MGAT4C: variants seen among roughly 807,000 people sequenced by gnomAD.
MGAT4C encodes alpha-1,3-mannosyl-glycoprotein 4-beta-N-acetylglucosaminyltransferase C.
A neutral mutation model predicts 40.1 loss-of-function variants in MGAT4C; 19 were observed. The ratio of observed to expected loss-of-function variants is 0.47; its 90% CI spans 0.33 to 0.70. The LOEUF (loss-of-function observed/expected upper bound fraction) is 0.70. MGAT4C is among the 30% of genes least tolerant of loss of function. The probability of loss-of-function intolerance (pLI) is 0.02; values close to 1 mark genes in which losing one functional copy is unlikely to be tolerated. For missense variants in MGAT4C, 491 were observed against 563.2 expected (o/e 0.87, Z 1.30); for synonymous variants, 181 against 187.1 (o/e 0.97, Z 0.27).
intron 1 of MGAT4C, among the ~76,000 whole-genome samples, chr12:86,202,280 A>AT (rs1950081693): frequency 6.6e-6 from 1 of 151,984 alleles, no homozygotes; most frequent in South Asian, 2.1e-4. Flanking sequence ...GATAGAGGAA[A>AT]TTTTCATTTA....
intron 3 of MGAT4C, among the ~76,000 whole-genome samples, chr12:86,432,476 G>A (rs2136270415): frequency 6.6e-6 from 1 of 151,990 alleles, no homozygotes; most frequent in Admixed American, 6.6e-5. Flanking sequence ...ATATTTATCA[G>A]GCAGAGGCAT....
At chr12:86,628,962 A>G (rs1037857388) in intron 2 of MGAT4C, among the ~76,000 whole-genome samples, 1 of 152,172 alleles carries the variant, frequency 6.6e-6, no homozygotes, top group Non-Finnish European at 1.5e-5. Context: ...AACTGGATAA[A>G]GAGTGAAGAC....
intron 2 of MGAT4C, among the ~76,000 whole-genome samples, chr12:86,643,631 C>A (rs1963453905): frequency 1.3e-5 from 2 of 151,748 alleles, no homozygotes; most frequent in African/African-American, 4.8e-5. Context: ...ATGAAGTGTC[C>A]AAAATAGACA....
chr12:86,704,627 C>T (rs531851384), intron 2 of MGAT4C, among the ~76,000 whole-genome samples: 1 of 152,166 alleles, frequency 6.6e-6, no homozygotes, highest in South Asian at 2.1e-4. Context: ...GGCACTTCAG[C>T]TATTTCCTTC....
At chr12:86,401,700 G>A (rs1002175270) in intron 3 of MGAT4C, among the ~76,000 whole-genome samples, 1 of 152,016 alleles carries the variant, frequency 6.6e-6, no homozygotes, top group Admixed American at 6.6e-5. Context: ...CTAGCTTCCA[G>A]CACATTATAA....
intron 1 of MGAT4C, among the ~76,000 whole-genome samples, chr12:86,245,044 A>C (rs548109993): frequency 6.6e-6 from 1 of 152,312 alleles, no homozygotes; most frequent in South Asian, 2.1e-4. Context: ...ACACTGGTTA[A>C]GTGGGAAGCC....
At chr12:86,150,734 G>T (rs1884168807) in intron 1 of MGAT4C, among the ~76,000 whole-genome samples, 1 of 152,062 alleles carries the variant, frequency 6.6e-6, no homozygotes, top group South Asian at 2.1e-4. Context: ...CTAGGTTTAT[G>T]GTTTATCACA....
intron 2 of MGAT4C, among the ~76,000 whole-genome samples, chr12:85,992,841 G>A (rs532355664): frequency 1.1e-4 from 17 of 152,306 alleles, no homozygotes; most frequent in Non-Finnish European, 2.4e-4. Flanking sequence ...GACCTTTGCC[G>A]AGACTGTAGG....
chr12:86,734,166 T>G (rs1039588395), intron 1 of MGAT4C, among the ~76,000 whole-genome samples: 1 of 150,642 alleles, frequency 6.6e-6, no homozygotes, highest in Non-Finnish European at 1.5e-5. Context: ...AAATAAAAAC[T>G]GTTGTTAAAA....
At chr12:85,992,771 G>T (rs1886102568) in intron 2 of MGAT4C, among the ~76,000 whole-genome samples, 1 of 152,238 alleles carries the variant, frequency 6.6e-6, no homozygotes, top group African/African-American at 2.4e-5. Flanking sequence ...TTCTGTGAAT[G>T]TGAGGGCAAA....
intron 1 of MGAT4C, among the ~76,000 whole-genome samples, chr12:86,822,666 A>G (rs193087048): frequency 1.2e-3 from 178 of 151,350 alleles, no homozygotes; most frequent in Non-Finnish European, 4.0e-4. Context: ...TGCACCCACC[A>G]TCATAGCACC....
chr12:86,313,800 G>A (rs1030012628), intron 4 of MGAT4C, among the ~76,000 whole-genome samples: 4 of 152,112 alleles, frequency 2.6e-5, no homozygotes, highest in South Asian at 2.1e-4. Context: ...ATTAAATACC[G>A]AAAGCTTATG....
intron 1 of MGAT4C, among the ~76,000 whole-genome samples, chr12:86,138,667 T>C (rs1486896670): frequency 6.8e-6 from 1 of 147,646 alleles, no homozygotes; most frequent in Admixed American, 6.9e-5. Flanking sequence ...ATATATATCA[T>C]ATATATTTCC....
upstream of MGAT4C, chr12:86,838,840 C>T (rs1953092969): frequency 6.6e-6 from 1 of 152,176 alleles, no homozygotes; most frequent in South Asian, 2.1e-4. Flanking sequence ...CTCTAGATCC[C>T]GGGTTGCATT....
At chr12:86,462,984 A>AT (rs1957624809) in intron 2 of MGAT4C, among the ~76,000 whole-genome samples, 1 of 152,042 alleles carries the variant, frequency 6.6e-6, no homozygotes, top group Non-Finnish European at 1.5e-5. Context: ...CCTTCAATCA[A>AT]GTTGACACTC....
intron 1 of MGAT4C, among the ~76,000 whole-genome samples, chr12:86,787,961 A>T (rs990613297): frequency 1.3e-5 from 2 of 152,124 alleles, no homozygotes; most frequent in Admixed American, 6.6e-5. Flanking sequence ...TTTAGATTTT[A>T]AAAAGCTTTG....
At chr12:86,527,025 C>T (rs1958897475) in intron 2 of MGAT4C, among the ~76,000 whole-genome samples, 1 of 152,202 alleles carries the variant, frequency 6.6e-6, no homozygotes, top group African/African-American at 2.4e-5. Flanking sequence ...TTCAGTCCAA[C>T]TTCTGTGTCT....
chr12:86,210,373 C>A (rs1457021801), intron 1 of MGAT4C, among the ~76,000 whole-genome samples: 1 of 152,158 alleles, frequency 6.6e-6, no homozygotes, highest in Non-Finnish European at 1.5e-5. Context: ...GTGTGCATAA[C>A]ACATTATTTC....
intron 3 of MGAT4C, among the ~76,000 whole-genome samples, chr12:86,391,177 A>C (rs1256370373): frequency 6.6e-6 from 1 of 152,212 alleles, no homozygotes; most frequent in African/African-American, 2.4e-5. Context: ...GGATGATAGG[A>C]AAGGCAGTTA....
Sources: gnomAD v4.1 joint callset for allele counts (sites outside exome capture counted in the v4.1 genomes callset) on GRCh38, gnomAD v4.1.1 for gene constraint, MANE v1.5 for transcripts, NCBI Gene and HGNC (gene_info 2026-07-23, HGNC 2026-07-21) for gene names.